Variants in OCA2 observed in about 807,000 individuals in gnomAD.
The protein encoded by OCA2 is P protein.
A neutral mutation model predicts 100.2 loss-of-function variants in OCA2; 77 were observed. The ratio of observed to expected loss-of-function variants is 0.77; its 90% CI spans 0.64 to 0.93. The LOEUF is 0.93. Ranked by LOEUF, OCA2 falls within the 40% of genes least tolerant of loss-of-function variation. The pLI, the probability that OCA2 is intolerant of heterozygous loss-of-function variation, is 0.00. For synonymous variants in OCA2, 432 were observed against 439.2 expected (o/e 0.98, Z 0.21); for missense variants, 1,062 against 1,089.1 (o/e 0.98, Z 0.35).
At chr15:27,976,499 T>C (rs2040970362) in intron 14 of OCA2, among the ~76,000 whole-genome samples, 1 of 152,206 alleles carries the variant, frequency 6.6e-6, no homozygotes. Context: ...TTTTTCTGCA[T>C]CTATTGAGAT....
At chr15:28,057,282 A>G (rs2141625994) in intron 2 of OCA2, among the ~76,000 whole-genome samples, 1 of 152,312 alleles carries the variant, frequency 6.6e-6, no homozygotes, top group Non-Finnish European at 1.5e-5. Flanking sequence ...TTTTTGATCC[A>G]CAAGAACACC....
At chr15:27,742,990 G>C in the OCA2 span, among the ~76,000 whole-genome samples, 1 of 152,202 alleles carries the variant, frequency 6.6e-6, no homozygotes, top group Non-Finnish European at 1.5e-5. Context: ...TAATTAGGAA[G>C]CTTGTTTTTA....
chr15:27,753,891 T>C (rs1291750391), downstream of OCA2, among the ~76,000 whole-genome samples: 4 of 151,936 alleles, frequency 2.6e-5, no homozygotes, highest in South Asian at 2.1e-4. Context: ...AAAGAGCAGA[T>C]GGGAGCTGAG....
At chr15:27,800,509 T>C (rs571378070) in intron 23 of OCA2, among the ~76,000 whole-genome samples, 1 of 152,336 alleles carries the variant, frequency 6.6e-6, no homozygotes, top group East Asian at 1.9e-4. Context: ...GAGGTGGCAG[T>C]ACTACAGATT....
chr15:27,998,747 C>A (rs1359361200), intron 9 of OCA2, among the ~76,000 whole-genome samples: 1 of 146,582 alleles, frequency 6.8e-6, no homozygotes, highest in African/African-American at 2.5e-5. Flanking sequence ...GACACATGCA[C>A]ATGTATGTTT....
intron 23 of OCA2, among the ~76,000 whole-genome samples, chr15:27,781,376 C>G (rs987709985): frequency 2.0e-5 from 3 of 152,208 alleles, no homozygotes; most frequent in African/African-American, 7.2e-5. Flanking sequence ...GCTAGTTTCT[C>G]AGTGTCCATC....
chr15:27,848,847 A>C (rs1338916698), intron 22 of OCA2, among the ~76,000 whole-genome samples: 3 of 152,276 alleles, frequency 2.0e-5, no homozygotes, highest in Admixed American at 1.3e-4. Flanking sequence ...TAACCTAAGG[A>C]AAGCAGCAGC....
the OCA2 span, among the ~76,000 whole-genome samples, chr15:27,737,109 G>T: frequency 2.0e-5 from 3 of 152,108 alleles, no homozygotes; most frequent in African/African-American, 4.8e-5. Flanking sequence ...TAGCCTCAAA[G>T]AACATCAAGT....
In OCA2 at chr15:28,018,411, G is replaced by A. The variant is rs750298814; in HGVS notation, c.793C>T (p.Arg265Trp). 55 of 1,613,850 alleles carry A rather than the reference G, an allele frequency of 3.4e-5. No individual in the cohort carries two copies. The highest frequency in any genetic ancestry group is 2.1e-4 in the South Asian group (19 of 91,076). Residue 265 changes from arginine to tryptophan, a missense_variant, in exon 7 of 24, where the codon CGG (arginine) becomes TGG (tryptophan). Arg to Trp is a moderately radical substitution (Grantham distance 101, BLOSUM62 -3). Coordinates refer to ENST00000354638, the MANE Select transcript of OCA2 (RefSeq NM_000275.3). ...TQADALGSRW[R>W]RPQQVTHNWT... ...ATCAGCATAACCTGCTGTGGCCGCC[G>A]CCACCTGGAGCCCAAAGCGTCAGCC... is the stretch of plus-strand genomic sequence containing the variant.
intron 17 of OCA2, 145 bp downstream of exon 17, chr15:27,955,011 TCA>T: frequency 5.4e-6 from 4 of 737,196 alleles, no homozygotes; most frequent in South Asian, 1.5e-5. Context: ...CCCCATCCAC[TCA>T]CACACATAAA....
intron 23 of OCA2, among the ~76,000 whole-genome samples, chr15:27,763,693 G>A (rs1232589502): frequency 6.6e-6 from 1 of 152,222 alleles, no homozygotes; most frequent in Admixed American, 6.5e-5. Context: ...TGGCTGGGAG[G>A]CAGGCACCCT....
At chr15:27,913,869 AAG>A (rs1252343996) in intron 19 of OCA2, among the ~76,000 whole-genome samples, 15 of 54,368 alleles carry the variant, frequency 2.8e-4, no homozygotes, top group African/African-American at 9.2e-4. Context: ...GAAAGAAAGA[AAG>A]AAAGAAAGAA....
chr15:27,779,297 G>C (rs377056937), intron 23 of OCA2, among the ~76,000 whole-genome samples: 1 of 152,168 alleles, frequency 6.6e-6, no homozygotes, highest in African/African-American at 2.4e-5. Flanking sequence ...AGTGGTTTTC[G>C]AGTCTCCTGT....
At chr15:27,955,002 C>T (rs940869328) in intron 17 of OCA2, among the ~76,000 whole-genome samples, 156 bp downstream of exon 17, 1 of 152,218 alleles carries the variant, frequency 6.6e-6, no homozygotes, top group African/African-American at 2.4e-5. Flanking sequence ...AACATTTTTC[C>T]CCATCCACTC....
At chr15:27,746,974 T>C in the OCA2 span, among the ~76,000 whole-genome samples, 1 of 152,192 alleles carries the variant, frequency 6.6e-6, no homozygotes, top group African/African-American at 2.4e-5. Context: ...CATTCAGATG[T>C]TCCCTCCCAA....
chr15:27,934,727 G>A lies in OCA2; in HGVS notation c.1952-8473C>T, dbSNP rs555628759. 2.0e-4 allele frequency among the ~76,000 whole-genome samples: 31 copies of A among 152,262 alleles called. No homozygotes were observed. The South Asian group carries it at 6.4e-3, about 32-fold the overall frequency. ...TTTCTCTTATCAATTGTGGAGGCCT[G>A]AGCTTTCCTCCAGCCAAAACTCCTG... On this transcript the variant is annotated intron_variant, in intron 18 of 23. Transcript: ENST00000354638.
chr15:27,757,216 TGTGATTAAGA>T (rs1434429903), intron 23 of OCA2, among the ~76,000 whole-genome samples: 1 of 152,216 alleles, frequency 6.6e-6, no homozygotes, highest in Non-Finnish European at 1.5e-5. Flanking sequence ...AGTTAGATTG[TGTGATTAAGA>T]GTGATTAAGA....
intron 14 of OCA2, among the ~76,000 whole-genome samples, chr15:27,973,849 A>G (rs888621494): frequency 6.6e-6 from 1 of 152,166 alleles, no homozygotes; most frequent in South Asian, 2.1e-4. Context: ...TGTGTCATCT[A>G]TGATTTCTTT....
Position 27,913,203 on chromosome 15 carries a change from T to G in OCA2, c.2079+12924A>C, listed in dbSNP as rs553886038. ...ATTTGTAGTTTTAGTAATATTCTAC[T>G]AATGTTAATTTTCTGGTTTCGATAG... On this transcript the variant is annotated intron_variant, in intron 19 of 23. Coordinates refer to ENST00000354638, the MANE Select transcript of OCA2 (RefSeq NM_000275.3). Among the ~76,000 whole-genome samples the G allele has an allele frequency of 3.3e-5, 5 of 152,332 alleles. No individual in the cohort carries two copies. In the South Asian group the frequency reaches 1.0e-3, roughly 32 times the overall value.
Sources: gnomAD v4.1 joint callset for allele counts (sites outside exome capture counted in the v4.1 genomes callset) on GRCh38, gnomAD v4.1.1 for gene constraint, MANE v1.5 for transcripts, NCBI Gene and HGNC (gene_info 2026-07-23, HGNC 2026-07-21) for gene names.